PTPRQ: variants seen among roughly 807,000 people sequenced by gnomAD.
The protein encoded by PTPRQ is phosphatidylinositol phosphatase PTPRQ.
Under a neutral mutation model 246.0 loss-of-function variants are expected in PTPRQ, and 199 were observed. The ratio of observed to expected loss-of-function variants is 0.81; its 90% CI spans 0.72 to 0.91. The LOEUF (loss-of-function observed/expected upper bound fraction) is 0.91, where lower values mean the gene tolerates loss of function less well. PTPRQ is among the 40% of genes least tolerant of loss of function. The pLI, the probability that PTPRQ is intolerant of heterozygous loss-of-function variation, is 0.00. For synonymous variants in PTPRQ, 869 were observed against 853.2 expected, an observed-to-expected ratio of 1.02 and a Z score of -0.32; for missense variants, 2,624 against 2,528.4, an observed-to-expected ratio of 1.04 and a Z score of -0.81.
chr12:80,619,941 T>C (rs1373709777), intron 31 of PTPRQ, among the ~76,000 whole-genome samples: 1 of 151,576 alleles, frequency 6.6e-6, no homozygotes, highest in Admixed American at 6.6e-5. Flanking sequence ...TTTCTCTACC[T>C]GATAAATCAT....
intron 31 of PTPRQ, 41 bp from the exon 32 acceptor site, chr12:80,620,113 A>G (rs1196365804): frequency 1.3e-6 from 2 of 1,503,456 alleles, no homozygotes; most frequent in Admixed American, 2.4e-5. Context: ...ATATATTCAT[A>G]TGTTACTTGG....
chr12:80,492,024 G>GA (rs575774792), intron 9 of PTPRQ, among the ~76,000 whole-genome samples: 52 of 151,722 alleles, frequency 3.4e-4, no homozygotes, highest in Admixed American at 3.4e-3. Context: ...AGCAGAACTT[G>GA]AAAAAAATTA....
chr12:80,587,978 C>T, intron 25 of PTPRQ, 151 bp from the exon 26 acceptor site: 1 of 748,518 alleles, frequency 1.3e-6, no homozygotes, highest in Non-Finnish European at 2.0e-6. Flanking sequence ...CTCTAAGGTT[C>T]TTCTCATTAA....
At chr12:80,633,413 C>T (rs1442547578) in intron 34 of PTPRQ, among the ~76,000 whole-genome samples, 1 of 152,174 alleles carries the variant, frequency 6.6e-6, no homozygotes, top group Non-Finnish European at 1.5e-5. Flanking sequence ...TTCTCAGCAT[C>T]AGCATCCTAC....
intron 33 of PTPRQ, among the ~76,000 whole-genome samples, chr12:80,630,905 C>T (rs994615550): frequency 9.2e-5 from 14 of 152,072 alleles, no homozygotes; most frequent in African/African-American, 3.1e-4. Context: ...TTAGTAGAGA[C>T]GGGGTTTCAC....
intron 34 of PTPRQ, among the ~76,000 whole-genome samples, chr12:80,633,246 T>C (rs1811673853): frequency 6.6e-6 from 1 of 152,250 alleles, no homozygotes; most frequent in Non-Finnish European, 1.5e-5. Context: ...TTAAAATATC[T>C]CAATCAGGTC....
intron 26 of PTPRQ, among the ~76,000 whole-genome samples, chr12:80,602,120 G>A (rs550131999): frequency 5.1e-4 from 77 of 151,760 alleles, no homozygotes; most frequent in South Asian, 3.5e-3. Flanking sequence ...TCAGATTATT[G>A]TACAGTTTTC....
chr12:80,627,007 G>A lies in PTPRQ; in HGVS notation c.5686+4873G>A, dbSNP rs186055214. The stretch of plus-strand genomic sequence containing the variant: ...CTTTAAATTTTTTCCTGTCTGTATG[G>A]ATGAAAATGATGTTCATCCCAATGG... On this transcript the variant is annotated intron_variant, in intron 33 of 44. Coordinates refer to ENST00000644991, the MANE Select transcript of PTPRQ (RefSeq NM_001145026.2). 3.0e-4 allele frequency among the ~76,000 whole-genome samples: 46 copies of A among 151,972 alleles called. 1 individual carries two copies. Among genetic ancestry groups the A allele is most frequent in the Non-Finnish European group, 7.4e-5 (5 of 67,966 alleles).
intron 33 of PTPRQ, among the ~76,000 whole-genome samples, chr12:80,628,926 A>T (rs1899308473): frequency 6.6e-6 from 1 of 152,062 alleles, no homozygotes; most frequent in Non-Finnish European, 1.5e-5. Flanking sequence ...GCCATCACAA[A>T]ATATCATAGA....
At position 80,477,183 on chromosome 12, in the gene PTPRQ, T is replaced by A. The variant is rs568854337; in HGVS notation, c.1186+4932T>A. 1.4e-4 allele frequency among the ~76,000 whole-genome samples: 21 copies of A among 152,302 alleles called. No homozygotes were observed. The South Asian group carries it at 4.1e-3, about 30-fold the overall frequency. The stretch of plus-strand genomic sequence containing the variant: ...TACTATTGCAATGAGTGAGGGCACC[T>A]GAAATTTGAAAATAACATGATTATT... On this transcript the variant is annotated intron_variant, in intron 8 of 44. Coordinates refer to ENST00000644991, the MANE Select transcript of PTPRQ (RefSeq NM_001145026.2).
chr12:80,496,179 T>C lies in PTPRQ; in HGVS notation c.1991-71T>C, dbSNP rs1040629293. 5 of 1,543,086 alleles carry C rather than the reference T, an allele frequency of 3.2e-6. No individual in the cohort carries two copies. In the African/African-American group the frequency reaches 6.9e-5, roughly 21 times the overall value. ...AATGCTCACTGCCTTCACTTCATGC[T>C]ACCTCTAGGGTCTAAAGCAACAAAC... is the stretch of plus-strand genomic sequence containing the variant. On this transcript the variant is annotated intron_variant, in intron 13 of 44. Transcript: ENST00000644991.
chr12:80,597,788 T>C (rs1898017954), intron 26 of PTPRQ, among the ~76,000 whole-genome samples: 1 of 151,968 alleles, frequency 6.6e-6, no homozygotes, highest in Non-Finnish European at 1.5e-5. Context: ...TTTGATTCAG[T>C]AAGTCTGGGG....
chr12:80,493,548 ATTAATGGTC>A, intron 10 of PTPRQ, 93 bp downstream of exon 10: 1 of 1,399,836 alleles, frequency 7.1e-7, no homozygotes, highest in East Asian at 2.6e-5. Flanking sequence ...CAGCCATATT[ATTAATGGTC>A]TTTGGGCTGG....
intron 35 of PTPRQ, among the ~76,000 whole-genome samples, chr12:80,646,187 T>C (rs552636121): frequency 6.6e-6 from 1 of 152,304 alleles, no homozygotes; most frequent in Non-Finnish European, 1.5e-5. Context: ...GTAATTATCA[T>C]ACTATTGATA....
At chr12:80,552,267 T>C (rs1896497031) in intron 25 of PTPRQ, among the ~76,000 whole-genome samples, 1 of 151,904 alleles carries the variant, frequency 6.6e-6, no homozygotes, top group Non-Finnish European at 1.5e-5. Context: ...GTGGAGTCTG[T>C]GGGAAGAAAA....
intron 37 of PTPRQ, among the ~76,000 whole-genome samples, chr12:80,652,015 T>G (rs2121230782): frequency 6.6e-6 from 1 of 152,238 alleles, no homozygotes; most frequent in South Asian, 2.1e-4. Context: ...TTAGTGCTTT[T>G]TATGGAATTT....
intron 3 of PTPRQ, chr12:80,454,664 T>C (rs1892911566): frequency 4.8e-6 from 3 of 624,108 alleles, no homozygotes; most frequent in Non-Finnish European, 8.6e-6. Context: ...TTGTTGAGGG[T>C]TTTTATCATG....
intron 39 of PTPRQ, among the ~76,000 whole-genome samples, chr12:80,664,996 C>A (rs113647337): frequency 0.17 from 25,428 of 151,790 alleles, 3,006 homozygotes; most frequent in African/African-American, 0.32. Flanking sequence ...TATGAAGGGG[C>A]GTTTATTAAG....
At chr12:80,652,620 T>TTTTTTTAATTTAAAA (rs1900292531) in intron 37 of PTPRQ, 124 bp from the exon 38 acceptor site, 3 of 934,972 alleles carry the variant, frequency 3.2e-6, no homozygotes, top group South Asian at 5.7e-5. Context: ...TTTCCACAGT[T>TTTTTTTAATTTAAAA]ATGATAGGTG....
Sources: gnomAD v4.1 joint callset for allele counts (sites outside exome capture counted in the v4.1 genomes callset) on GRCh38, gnomAD v4.1.1 for gene constraint, MANE v1.5 for transcripts, NCBI Gene and HGNC (gene_info 2026-07-23, HGNC 2026-07-21) for gene names.